DLGAP2: variants seen among roughly 807,000 people sequenced by gnomAD.
The protein encoded by DLGAP2 is disks large-associated protein 2.
DLGAP2 carries 26 observed loss-of-function variants against 100.3 expected under a neutral mutation model. That is an observed-to-expected ratio of 0.26 (90% CI 0.19 to 0.36). The LOEUF (loss-of-function observed/expected upper bound fraction) is 0.36. Ranked by LOEUF, DLGAP2 falls within the 10% of genes least tolerant of loss-of-function variation. The pLI, the probability that DLGAP2 is intolerant of heterozygous loss-of-function variation, is 1.00. For synonymous variants in DLGAP2, 886 were observed against 630.1 expected, an observed-to-expected ratio of 1.41 and a Z score of -6.08; for missense variants, 1,858 against 1,453.2, an observed-to-expected ratio of 1.28 and a Z score of -4.53.
At chr8:761,389 T>G (rs1219401133) in intron 1 of DLGAP2, among the ~76,000 whole-genome samples, 1 of 152,242 alleles carries the variant, frequency 6.6e-6, no homozygotes, top group Non-Finnish European at 1.5e-5. Flanking sequence ...CAGACTGCAG[T>G]TCTATTGCAT....
At chr8:1,541,023 G>C (rs1435872309) in intron 4 of DLGAP2, among the ~76,000 whole-genome samples, 1 of 151,414 alleles carries the variant, frequency 6.6e-6, no homozygotes, top group Non-Finnish European at 1.5e-5. Context: ...TTTCTACAGA[G>C]CCCAGGATTT....
chr8:1,503,780 A>G (rs1799806740), intron 4 of DLGAP2, among the ~76,000 whole-genome samples: 1 of 152,152 alleles, frequency 6.6e-6, no homozygotes, highest in African/African-American at 2.4e-5. Context: ...GAGAAGGGTC[A>G]GATGTTAGAA....
intron 3 of DLGAP2, among the ~76,000 whole-genome samples, chr8:1,267,626 AT>A (rs372015470): frequency 0.51 from 43,757 of 85,592 alleles, 13,449 homozygotes; most frequent in African/African-American, 0.65. Flanking sequence ...GATAAGATAA[AT>A]ATTAAATAGG....
chr8:1,186,886 G>T (rs972158995), intron 2 of DLGAP2, among the ~76,000 whole-genome samples: 2 of 152,000 alleles, frequency 1.3e-5, no homozygotes, highest in African/African-American at 4.8e-5. Flanking sequence ...CTGCCCTACC[G>T]CATCCACCCC....
At chr8:1,656,184 G>A (rs893856573) in intron 8 of DLGAP2, among the ~76,000 whole-genome samples, 14 of 152,204 alleles carry the variant, frequency 9.2e-5, no homozygotes, top group Admixed American at 2.6e-4. Context: ...TTAGCCAGGC[G>A]TGGTACCGCG....
chr8:1,669,682 GC>G, intron 9 of DLGAP2, 60 bp from the exon 10 acceptor site: 1 of 780,090 alleles, frequency 1.3e-6, no homozygotes, highest in Non-Finnish European at 2.4e-6. Flanking sequence ...CAGGGGAGCC[GC>G]CCGCTGGTCC....
intron 3 of DLGAP2, among the ~76,000 whole-genome samples, chr8:1,494,770 A>G (rs1372672954): frequency 6.6e-6 from 1 of 152,086 alleles, no homozygotes. Flanking sequence ...GTGCCACTCA[A>G]TGCAGCCTCC....
intron 2 of DLGAP2, among the ~76,000 whole-genome samples, chr8:932,827 A>C (rs955886843): frequency 6.6e-6 from 1 of 152,208 alleles, no homozygotes; most frequent in African/African-American, 2.4e-5. Context: ...TTAAAAAAAA[A>C]ATTTCTTAAG....
intron 3 of DLGAP2, among the ~76,000 whole-genome samples, chr8:1,260,583 C>G (rs187309466): frequency 6.6e-6 from 1 of 151,576 alleles, no homozygotes; most frequent in Non-Finnish European, 1.5e-5. Context: ...CCCCGGAGTC[C>G]TGGCTCAGGG....
chr8:1,275,880 A>AATATATATAATAT (rs1386134262), intron 3 of DLGAP2, among the ~76,000 whole-genome samples: 2 of 67,234 alleles, frequency 3.0e-5, no homozygotes, highest in Non-Finnish European at 6.4e-5. Flanking sequence ...ATAATATATA[A>AATATATATAATAT]ATAAATATAT....
intron 2 of DLGAP2, among the ~76,000 whole-genome samples, chr8:1,217,781 T>A (rs892405013): frequency 6.6e-6 from 1 of 152,208 alleles, no homozygotes; most frequent in African/African-American, 2.4e-5. Context: ...CAACATCTGC[T>A]ATTAATAATA....
intron 3 of DLGAP2, among the ~76,000 whole-genome samples, chr8:1,439,070 G>A (rs1368750523): frequency 6.6e-6 from 1 of 152,148 alleles, no homozygotes; most frequent in East Asian, 1.9e-4. Flanking sequence ...GTGTAAATGG[G>A]AGAGGAGAGA....
At chr8:1,529,046 C>T (rs959556078) in intron 4 of DLGAP2, among the ~76,000 whole-genome samples, 7 of 150,802 alleles carry the variant, frequency 4.6e-5, no homozygotes, top group Admixed American at 4.0e-4. Flanking sequence ...AGTCTGTTGT[C>T]CTACTGCTTT....
chr8:915,694 G>A (rs1267800963), intron 2 of DLGAP2, among the ~76,000 whole-genome samples: 1 of 152,208 alleles, frequency 6.6e-6, no homozygotes, highest in African/African-American at 2.4e-5. Flanking sequence ...TGAAACAAAT[G>A]TGTGGTCATT....
At chr8:1,161,741 C>G (rs1436309176) in intron 2 of DLGAP2, among the ~76,000 whole-genome samples, 1 of 152,074 alleles carries the variant, frequency 6.6e-6, no homozygotes, top group Non-Finnish European at 1.5e-5. Flanking sequence ...TGGAGCCGTC[C>G]TGTGTAGATG....
intron 6 of DLGAP2, chr8:1,621,962 G>T (rs1797353889): frequency 6.6e-6 from 1 of 152,216 alleles, no homozygotes; most frequent in Admixed American, 6.5e-5. Context: ...CAAGGGCACA[G>T]AAAGCTCAAG....
chr8:1,475,168 C>T (rs562981758), intron 3 of DLGAP2, among the ~76,000 whole-genome samples: 1 of 152,282 alleles, frequency 6.6e-6, no homozygotes, highest in East Asian at 1.9e-4. Flanking sequence ...AAACATTGGG[C>T]ACACGTGGAC....
In DLGAP2 at chr8:1,303,324, G is replaced by A. The variant is rs1334805672; in HGVS notation, c.106+44441G>A. On this transcript the variant is annotated intron_variant, in intron 3 of 14. Coordinates refer to ENST00000637795, the MANE Select transcript of DLGAP2 (RefSeq NM_001346810.2). ...AGGCAGGAGAATCGTTTGAACCCGG[G>A]AGGCGGAGCTTGCACAGAGCCGAGA... Among the ~76,000 whole-genome samples, 5 of 151,564 alleles carry A rather than the reference G, an allele frequency of 3.3e-5. No homozygotes were observed. The South Asian group carries it at 1.0e-3, about 32-fold the overall frequency.
At chr8:1,037,532 A>G (rs1228958799) in intron 2 of DLGAP2, among the ~76,000 whole-genome samples, 1 of 152,140 alleles carries the variant, frequency 6.6e-6, no homozygotes, top group Non-Finnish European at 1.5e-5. Flanking sequence ...TGGACGTGTC[A>G]GCTGCATCAT....
Sources: allele counts gnomAD v4.1 joint callset (sites outside exome capture counted in the v4.1 genomes callset), GRCh38; gene constraint gnomAD v4.1.1; transcripts MANE v1.5; gene names NCBI Gene and HGNC (gene_info 2026-07-23, HGNC 2026-07-21).